TBC1D30: variants seen among roughly 807,000 people sequenced by gnomAD.
TBC1D30 encodes TBC1 domain family member 30.
A neutral mutation model predicts 63.2 loss-of-function variants in TBC1D30; 31 were observed. The observed-to-expected ratio is 0.49, with a 90% CI of 0.37 to 0.66. The LOEUF (loss-of-function observed/expected upper bound fraction) is 0.66, where lower values mean the gene tolerates loss of function less well. TBC1D30 is among the 30% of genes least tolerant of loss of function. The pLI is 0.00. For missense variants in TBC1D30, 810 were observed against 953.6 expected, an observed-to-expected ratio of 0.85 and a Z score of 1.98; for synonymous variants, 307 against 361.5, an observed-to-expected ratio of 0.85 and a Z score of 1.71.
chr12:64,771,968 A>G (rs1870920818), intron 1 of TBC1D30, among the ~76,000 whole-genome samples: 1 of 152,146 alleles, frequency 6.6e-6, no homozygotes. Flanking sequence ...GAATAGGCAC[A>G]AAATGGCCAG....
rs549965232 is a variant in TBC1D30 at position 64,791,361 on chromosome 12, T to C, written c.643+5316T>C. Among the ~76,000 whole-genome samples, 28 of 152,306 alleles carry C rather than the reference T, an allele frequency of 1.8e-4. No individual in the cohort carries two copies. In the South Asian group the frequency reaches 5.8e-3, roughly 32 times the overall value. ...TAGTGGTGATGGTTGTACAATTTTA[T>C]GGCATGTGAATTATATAAAATATGA... On this transcript the variant is annotated intron_variant, in intron 2 of 12. Transcript: ENST00000542120.
chr12:64,867,547 G>A (rs12313612), intron 10 of TBC1D30, among the ~76,000 whole-genome samples: 6,493 of 151,512 alleles, frequency 0.043, 455 homozygotes, highest in African/African-American at 0.15. Context: ...ATTATGTGTT[G>A]CATGCGTAGT....
At chr12:64,789,019 T>C (rs984275124) in intron 2 of TBC1D30, among the ~76,000 whole-genome samples, 2 of 152,128 alleles carry the variant, frequency 1.3e-5, no homozygotes, top group African/African-American at 4.8e-5. Context: ...GAATTGAGAT[T>C]TTTTAAAAAA....
At chr12:64,822,079 C>T (rs994892756), upstream of TBC1D30, among the ~76,000 whole-genome samples, 4 of 152,190 alleles carry the variant, frequency 2.6e-5, no homozygotes, top group Non-Finnish European at 5.9e-5. Flanking sequence ...ACATTGTCCT[C>T]AAATTCTGGG....
intron 2 of TBC1D30, among the ~76,000 whole-genome samples, chr12:64,789,079 A>G (rs28485266): frequency 0.021 from 3,222 of 152,012 alleles, 55 homozygotes; most frequent in Middle Eastern, 0.058. Flanking sequence ...TCTTGTATTT[A>G]GTTTGCAGAA....
At position 64,800,621 on chromosome 12, in the gene TBC1D30, C is replaced by T. The variant is rs143144425; in HGVS notation, c.643+14576C>T. Among the ~76,000 whole-genome samples the T allele has an allele frequency of 2.1e-3, 325 of 152,044 alleles. 2 individuals carry two copies. The highest frequency in any genetic ancestry group is 7.1e-3 in the African/African-American group (295 of 41,472). On this transcript the variant is annotated intron_variant, in intron 2 of 12. Coordinates refer to the TBC1D30 transcript ENST00000542120. ...GATGTGGGAGGCTGCAGCAGAGATC[C>T]CTCAGGTACCACATGTAGACTGCGA... is the stretch of plus-strand genomic sequence containing the variant.
At chr12:64,861,503 C>T (rs1292472219) in intron 8 of TBC1D30, among the ~76,000 whole-genome samples, 2 of 152,190 alleles carry the variant, frequency 1.3e-5, no homozygotes, top group Non-Finnish European at 2.9e-5. Flanking sequence ...TGAAAGCATT[C>T]TCCCCTTTCA....
chr12:64,836,682 T>C, intron 6 of TBC1D30, 24 bp downstream of exon 6: 1 of 1,514,394 alleles, frequency 6.6e-7, no homozygotes, highest in Non-Finnish European at 8.8e-7. Flanking sequence ...CTATTATAAC[T>C]CTGAAAATAT....
In TBC1D30 at chr12:64,877,925, T is replaced by C. The variant is rs1879202485; in HGVS notation, c.*2137T>C. 1.3e-5 allele frequency: 2 copies of C among 153,424 alleles called. No homozygotes were observed. The highest frequency in any genetic ancestry group is 6.4e-5 in the Admixed American group (1 of 15,552). The allele number at this position is 153,424 out of a possible 1,614,324, so 9.5% of individuals were successfully genotyped here. A position where few individuals can be genotyped will look rare whatever the true frequency, so the allele number is the denominator to read the frequency against. On this transcript the variant is annotated 3_prime_UTR_variant, in exon 12 of 12. Transcript: ENST00000539867. The stretch of plus-strand genomic sequence containing the variant: ...GGTCTGGGTTCAAGGAAATGGTTAA[T>C]GAGGTAGAGGCCACTTATACAAGTC...
intron 11 of TBC1D30, among the ~76,000 whole-genome samples, chr12:64,873,626 T>G (rs1400557604): frequency 6.6e-6 from 1 of 152,098 alleles, no homozygotes; most frequent in Non-Finnish European, 1.5e-5. Flanking sequence ...ATAGTTAGAC[T>G]GAGAGCCTGA....
At chr12:64,874,894 A>C in intron 11 of TBC1D30, 107 bp from the exon 12 acceptor site, 1 of 1,049,574 alleles carries the variant, frequency 9.5e-7, no homozygotes, top group South Asian at 1.7e-5. Context: ...AACACATGGG[A>C]AGGGATGTGG....
intron 3 of TBC1D30, among the ~76,000 whole-genome samples, chr12:64,828,920 G>T (rs1288508001): frequency 6.6e-6 from 1 of 152,162 alleles, no homozygotes; most frequent in African/African-American, 2.4e-5. Context: ...GCAAGTACCT[G>T]GGAGGAGATA....
intron 1 of TBC1D30, among the ~76,000 whole-genome samples, chr12:64,766,497 A>G (rs1475812756): frequency 2.0e-5 from 3 of 152,226 alleles, no homozygotes; most frequent in Non-Finnish European, 2.9e-5. Flanking sequence ...CATCAGGAAG[A>G]TATAACAATT....
chr12:64,779,953 C>T (rs922195032), upstream of TBC1D30, among the ~76,000 whole-genome samples: 1 of 152,144 alleles, frequency 6.6e-6, no homozygotes, highest in Non-Finnish European at 1.5e-5. Flanking sequence ...TACAGTGGAG[C>T]GGCAGTTCCG....
chr12:64,845,678 A>T (rs1347795209), intron 8 of TBC1D30, among the ~76,000 whole-genome samples: 1 of 149,062 alleles, frequency 6.7e-6, no homozygotes, highest in Non-Finnish European at 1.5e-5. Context: ...GTGAGCCGAG[A>T]TCGTGCCACT....
At chr12:64,799,731 G>A (rs1261163905) in intron 2 of TBC1D30, among the ~76,000 whole-genome samples, 2 of 152,208 alleles carry the variant, frequency 1.3e-5, no homozygotes, top group East Asian at 3.8e-4. Flanking sequence ...TCAGCCTTGT[G>A]TGTACAAAGG....
rs549871803 is a variant in TBC1D30, at chr12:64,876,759, T to A, written c.*971T>A. 3.5e-5 allele frequency: 16 copies of A among 455,916 alleles called. No individual in the cohort carries two copies. The highest frequency in any genetic ancestry group is 2.5e-4 in the South Asian group (16 of 64,536). The allele number at this position is 455,916 out of a possible 1,614,324, so 28.2% of individuals were successfully genotyped here. On this transcript the variant is annotated 3_prime_UTR_variant, in exon 12 of 12. Coordinates refer to ENST00000539867, the MANE Select transcript of TBC1D30 (RefSeq NM_015279.2). ...GATTGGAGTCCTTTGTTGAGTACTT[T>A]GTTAATTGAACACTGCCTTTCTCTG...
chr12:64,852,597 G>A lies in TBC1D30; in HGVS notation c.1038+9112G>A, dbSNP rs528907667. 1.4e-4 allele frequency among the ~76,000 whole-genome samples: 21 copies of A among 152,186 alleles called. No individual in the cohort carries two copies. In the East Asian group the frequency reaches 1.9e-3, roughly 14 times the overall value. Reference sequence around the variant, plus strand: ...TTTTTGGTATTTTCGGTCTTTTTGCGCTGGTTTTCCCTCATTTTCATGGAT... The same window carrying A: ...TTTTTGGTATTTTCGGTCTTTTTGCACTGGTTTTCCCTCATTTTCATGGAT... On this transcript the variant is annotated intron_variant, in intron 8 of 11. Transcript: ENST00000539867.
chr12:64,874,037 G>A (rs914382387), intron 11 of TBC1D30, among the ~76,000 whole-genome samples: 15 of 152,176 alleles, frequency 9.9e-5, no homozygotes, highest in African/African-American at 1.4e-4. Context: ...GGTCATAGCC[G>A]CAGGTGGTCA....
Sources: allele counts gnomAD v4.1 joint callset (sites outside exome capture counted in the v4.1 genomes callset), GRCh38; gene constraint gnomAD v4.1.1; transcripts MANE v1.5; gene names NCBI Gene and HGNC (gene_info 2026-07-23, HGNC 2026-07-21).